The following RUNX2 variants were observed in gnomAD, a reference collection of about 807,000 sequenced individuals.
The protein encoded by RUNX2 is runt-related transcription factor 2.
In RUNX2, 10 loss-of-function variants were observed where a neutral mutation model predicts 51.7. The observed-to-expected ratio is 0.19, with a 90% CI of 0.12 to 0.33. The LOEUF (loss-of-function observed/expected upper bound fraction) is 0.33. RUNX2 is among the 10% of genes least tolerant of loss of function. The probability of loss-of-function intolerance (pLI) is 1.00; values close to 1 mark genes in which losing one functional copy is unlikely to be tolerated. For missense variants in RUNX2, 562 were observed against 691.3 expected, an observed-to-expected ratio of 0.81 and a Z score of 2.10; for synonymous variants, 276 against 273.6, an observed-to-expected ratio of 1.01 and a Z score of -0.09.
At chr6:45,526,557 T>C (rs931098141) in intron 7 of RUNX2, among the ~76,000 whole-genome samples, 4 of 152,262 alleles carry the variant, frequency 2.6e-5, no homozygotes, top group Non-Finnish European at 5.9e-5. Context: ...AGATTTCTCT[T>C]AATGAAACAT....
intron 7 of RUNX2, among the ~76,000 whole-genome samples, chr6:45,541,105 C>T (rs143857678): frequency 1.6e-4 from 24 of 152,248 alleles, no homozygotes; most frequent in African/African-American, 5.8e-4. Flanking sequence ...AGTTATTGTA[C>T]AGAGTTCCCA....
intron 2 of RUNX2, among the ~76,000 whole-genome samples, chr6:45,393,012 T>G (rs1037816383): frequency 8.5e-5 from 13 of 152,312 alleles, no homozygotes; most frequent in African/African-American, 3.1e-4. Context: ...TCTTTATTTC[T>G]GTTACAGTGT....
intron 5 of RUNX2, among the ~76,000 whole-genome samples, chr6:45,487,604 G>A (rs1047633294): frequency 1.4e-4 from 22 of 152,110 alleles, no homozygotes; most frequent in African/African-American, 5.3e-4. Flanking sequence ...TCACTAGATT[G>A]TCAAACAAGA....
At position 45,422,917 on chromosome 6, in the gene RUNX2, C is replaced by T; in HGVS notation, c.383C>T (p.Ser128Leu). Residue 128 changes from serine to leucine, a missense_variant, in exon 3 of 9, where the codon TCG (serine) becomes TTG (leucine). Around this residue, in one of 5 missense-constraint regions of RUNX2, gnomAD observed 67 missense variants for 106.5 expected, o/e 0.63. Coordinates refer to ENST00000647337, the MANE Select transcript of RUNX2 (RefSeq NM_001024630.4). ...AACTTCCTGTGCTCGGTGCTGCCCT[C>T]GCACTGGCGCTGCAACAAGACCCTG... is the stretch of plus-strand genomic sequence containing the variant. ...SPNFLCSVLP[S>L]HWRCNKTLPV... 1.9e-6 allele frequency: 3 copies of T among 1,612,642 alleles called. No homozygotes were observed. The highest frequency in any genetic ancestry group is 2.5e-6 in the Non-Finnish European group (3 of 1,179,664).
intron 6 of RUNX2, among the ~76,000 whole-genome samples, chr6:45,505,132 G>A (rs1800923442): frequency 6.6e-6 from 1 of 152,170 alleles, no homozygotes. Flanking sequence ...TGTCCCTGGT[G>A]TGCCTTGTTG....
intron 7 of RUNX2, among the ~76,000 whole-genome samples, chr6:45,543,122 T>C (rs1563132059): frequency 6.6e-6 from 1 of 152,214 alleles, no homozygotes; most frequent in Non-Finnish European, 1.5e-5. Context: ...CTCCACATCA[T>C]ATTCATGTTT....
intron 2 of RUNX2, among the ~76,000 whole-genome samples, chr6:45,366,048 T>G (rs919427853): frequency 5.3e-5 from 8 of 152,158 alleles, no homozygotes; most frequent in African/African-American, 1.7e-4. Context: ...AAAGTAACAT[T>G]AAAATAATGT....
At chr6:45,472,716 TA>T (rs1195924825) in intron 5 of RUNX2, among the ~76,000 whole-genome samples, 23 of 152,202 alleles carry the variant, frequency 1.5e-4, no homozygotes, top group Admixed American at 1.5e-3. Context: ...CTCTCTCTTT[TA>T]AAGAGTATTC....
intron 2 of RUNX2, among the ~76,000 whole-genome samples, chr6:45,397,223 C>T (rs1335177422): frequency 6.6e-6 from 1 of 151,930 alleles, no homozygotes; most frequent in African/African-American, 2.4e-5. Flanking sequence ...CCTGCCTCAG[C>T]CTCCCAAGTA....
intron 5 of RUNX2, among the ~76,000 whole-genome samples, chr6:45,491,072 T>C (rs1800446244): frequency 6.6e-6 from 1 of 152,204 alleles, no homozygotes; most frequent in South Asian, 2.1e-4. Flanking sequence ...AGTATCTTGG[T>C]TTGTTTTAAT....
chr6:45,459,378 C>G (rs1432708974), intron 5 of RUNX2, among the ~76,000 whole-genome samples: 1 of 152,178 alleles, frequency 6.6e-6, no homozygotes, highest in African/African-American at 2.4e-5. Flanking sequence ...CTACGTTGCT[C>G]ACATCAACCA....
intron 2 of RUNX2, among the ~76,000 whole-genome samples, chr6:45,343,941 G>A (rs1237917800): frequency 2.0e-5 from 3 of 152,046 alleles, no homozygotes; most frequent in Admixed American, 2.0e-4. Flanking sequence ...ATAACCAGTT[G>A]CCCTTGATAT....
rs76692141 is a variant in RUNX2 at position 45,532,367 on chromosome 6, G to A, written c.1022-12850G>A. 7.2e-3 allele frequency among the ~76,000 whole-genome samples: 1,101 copies of A among 152,022 alleles called. 7 individuals are homozygous for A. Among genetic ancestry groups the A allele is most frequent in the African/African-American group, 0.025 (1,031 of 41,484 alleles). ...ATTTTAGAGCAGGGAAACCCACAGA[G>A]ATGATTTCATCCCCGCCCCTCTTTT... On this transcript the variant is annotated intron_variant, in intron 7 of 8. Transcript: ENST00000647337.
At chr6:45,355,599 G>C (rs774341073) in intron 2 of RUNX2, among the ~76,000 whole-genome samples, 1 of 151,870 alleles carries the variant, frequency 6.6e-6, no homozygotes, top group African/African-American at 2.4e-5. Context: ...ATTTTTCTTT[G>C]TATCAATTTG....
At chr6:45,428,633 T>C (rs1798451370) in intron 3 of RUNX2, among the ~76,000 whole-genome samples, 1 of 152,168 alleles carries the variant, frequency 6.6e-6, no homozygotes, top group African/African-American at 2.4e-5. Context: ...AACACACTAA[T>C]ATTGAATATG....
At chr6:45,392,281 G>A (rs533910587) in intron 2 of RUNX2, among the ~76,000 whole-genome samples, 2 of 152,296 alleles carry the variant, frequency 1.3e-5, no homozygotes, top group East Asian at 1.9e-4. Context: ...AAGGCAGGAG[G>A]ATTGCTTGAG....
intron 7 of RUNX2, among the ~76,000 whole-genome samples, chr6:45,524,495 C>A (rs1459714406): frequency 2.0e-5 from 3 of 152,112 alleles, no homozygotes; most frequent in Non-Finnish European, 2.9e-5. Flanking sequence ...CGTTCCAGCT[C>A]TCTGTGGTAA....
intron 5 of RUNX2, among the ~76,000 whole-genome samples, chr6:45,448,476 A>T (rs1256020763): frequency 6.6e-6 from 1 of 152,196 alleles, no homozygotes; most frequent in East Asian, 1.9e-4. Flanking sequence ...GACTAGAGGA[A>T]CATGGTTTAA....
intron 5 of RUNX2, among the ~76,000 whole-genome samples, chr6:45,466,763 A>G (rs573961295): frequency 7.2e-5 from 11 of 152,346 alleles, no homozygotes; most frequent in Admixed American, 6.5e-4. Context: ...TTCATTTCTT[A>G]ACCAGTGTAA....
Sources: allele counts gnomAD v4.1 joint callset (sites outside exome capture counted in the v4.1 genomes callset), GRCh38; gene constraint gnomAD v4.1.1; regional missense constraint gnomAD v4.1.1; transcripts MANE v1.5; gene names NCBI Gene and HGNC (gene_info 2026-07-23, HGNC 2026-07-21).